Variants in HPSE2 observed in about 807,000 individuals in gnomAD.
HPSE2 encodes heparanase 2 (inactive).
Under a neutral mutation model 60.5 loss-of-function variants are expected in HPSE2, and 38 were observed. That is an observed-to-expected ratio of 0.63 (90% CI 0.48 to 0.82). HPSE2 has a LOEUF of 0.82. Among genes scored for constraint, HPSE2 ranks in the 40% least tolerant of loss-of-function variants. The probability of loss-of-function intolerance (pLI) is 0.00; values close to 1 mark genes in which losing one functional copy is unlikely to be tolerated. For missense variants in HPSE2, 713 were observed against 740.4 expected (o/e 0.96, Z 0.43); for synonymous variants, 295 against 293.2 (o/e 1.01, Z -0.06).
chr10:98,606,149 CAA>C (rs1945579880), intron 9 of HPSE2, among the ~76,000 whole-genome samples: 1 of 151,966 alleles, frequency 6.6e-6, no homozygotes. Flanking sequence ...TCAGAATCTA[CAA>C]GTGTCTGGCA....
intron 2 of HPSE2, among the ~76,000 whole-genome samples, chr10:99,207,676 T>C (rs1365542885): frequency 2.0e-5 from 3 of 151,552 alleles, no homozygotes; most frequent in Admixed American, 2.0e-4. Flanking sequence ...GTGGAGGGAG[T>C]AGAGTGAAGG....
chr10:98,708,229 G>A lies in HPSE2; in HGVS notation c.956+13428C>T, dbSNP rs192303274. On this transcript the variant is annotated intron_variant, in intron 5 of 11. Transcript: ENST00000370552. ...CCCAGTACTTTGGGAGGCTGAGGTG[G>A]GCGGATCACGAGGTCAGGAGATCAA... is the stretch of plus-strand genomic sequence containing the variant. 1.7e-3 allele frequency among the ~76,000 whole-genome samples: 260 copies of A among 152,174 alleles called. 1 individual carries two copies. The highest frequency in any genetic ancestry group is 0.012 in the Admixed American group (182 of 15,274).
chr10:98,594,866 G>A (rs1438697136), intron 9 of HPSE2, among the ~76,000 whole-genome samples: 2 of 152,002 alleles, frequency 1.3e-5, no homozygotes, highest in Non-Finnish European at 2.9e-5. Context: ...TTATTATTTT[G>A]AGGAACCTCC....
At chr10:98,534,861 G>C (rs1383554304) in intron 9 of HPSE2, among the ~76,000 whole-genome samples, 1 of 152,170 alleles carries the variant, frequency 6.6e-6, no homozygotes. Flanking sequence ...TTCAGCAAAG[G>C]CAACATCAAT....
intron 9 of HPSE2, among the ~76,000 whole-genome samples, chr10:98,575,742 A>G (rs1485888382): frequency 6.6e-6 from 1 of 152,182 alleles, no homozygotes; most frequent in Non-Finnish European, 1.5e-5. Context: ...TGTTATTATC[A>G]TGCCATGGTG....
intron 3 of HPSE2, among the ~76,000 whole-genome samples, chr10:98,926,907 T>C (rs1954483085): frequency 6.6e-6 from 1 of 152,226 alleles, no homozygotes; most frequent in African/African-American, 2.4e-5. Flanking sequence ...AGTCTCTATG[T>C]AGTTGAGCGG....
chr10:99,264,786 C>T, the HPSE2 span, among the ~76,000 whole-genome samples: 6 of 149,730 alleles, frequency 4.0e-5, no homozygotes, highest in Middle Eastern at 3.4e-3. Flanking sequence ...ATGACAAATG[C>T]TCCTTCTAAC....
rs552387037 is a variant in HPSE2 at position 98,628,203 on chromosome 10, T to C, written c.1099-7495A>G. Reference sequence around the variant, plus strand: ...AGGCTTATGAACTCTGTATCTTCCATGAGCAGAGAAGAGCATGATGGTGAC... The same window carrying C: ...AGGCTTATGAACTCTGTATCTTCCACGAGCAGAGAAGAGCATGATGGTGAC... On this transcript the variant is annotated intron_variant, in intron 7 of 11. Coordinates refer to ENST00000370552, the MANE Select transcript of HPSE2 (RefSeq NM_021828.5). Among the ~76,000 whole-genome samples the C allele has an allele frequency of 2.6e-5, 4 of 152,258 alleles. No homozygotes were observed. The East Asian group carries it at 7.7e-4, about 29-fold the overall frequency.
At chr10:98,484,025 T>G (rs187314778) in intron 10 of HPSE2, among the ~76,000 whole-genome samples, 101 of 152,354 alleles carry the variant, frequency 6.6e-4, no homozygotes, top group African/African-American at 2.4e-3. Flanking sequence ...ATGTGTTCTT[T>G]TAAAATACCT....
the HPSE2 span, among the ~76,000 whole-genome samples, chr10:99,281,454 A>T: frequency 1.3e-5 from 2 of 152,004 alleles, no homozygotes; most frequent in African/African-American, 4.8e-5. Context: ...CATTTGTAAA[A>T]ACACAAGAAA....
intron 2 of HPSE2, among the ~76,000 whole-genome samples, chr10:99,184,394 G>A (rs1014835523): frequency 6.6e-5 from 10 of 151,702 alleles, no homozygotes; most frequent in African/African-American, 1.9e-4. Context: ...GCTTGGTGGT[G>A]CATGCCTATG....
At chr10:99,200,306 AAACATTTTAT>A (rs1357629050) in intron 2 of HPSE2, among the ~76,000 whole-genome samples, 1 of 152,144 alleles carries the variant, frequency 6.6e-6, no homozygotes, top group Non-Finnish European at 1.5e-5. Context: ...ACATGACATC[AAACATTTTAT>A]AAGTAACTCT....
the HPSE2 span, among the ~76,000 whole-genome samples, chr10:99,284,759 G>A: frequency 1.3e-5 from 2 of 152,064 alleles, no homozygotes; most frequent in Non-Finnish European, 2.9e-5. Flanking sequence ...TTGTGTCATG[G>A]GAGTTTGTTA....
intron 3 of HPSE2, among the ~76,000 whole-genome samples, chr10:98,828,591 TA>T (rs1951607075): frequency 6.6e-6 from 1 of 152,118 alleles, no homozygotes; most frequent in Admixed American, 6.5e-5. Context: ...AATAAGTACA[TA>T]AAAATATGTT....
chr10:98,916,338 C>A (rs568788797), intron 3 of HPSE2, among the ~76,000 whole-genome samples: 2 of 152,220 alleles, frequency 1.3e-5, no homozygotes, highest in African/African-American at 4.8e-5. Flanking sequence ...GTTACACAGA[C>A]AATGTCTACC....
intron 9 of HPSE2, among the ~76,000 whole-genome samples, chr10:98,507,147 C>T (rs938458182): frequency 6.6e-6 from 1 of 152,000 alleles, no homozygotes; most frequent in African/African-American, 2.4e-5. Flanking sequence ...TAATGGTTAC[C>T]TTGGGTGGGA....
intron 2 of HPSE2, among the ~76,000 whole-genome samples, chr10:99,214,700 A>G (rs946047712): frequency 6.6e-6 from 1 of 152,158 alleles, no homozygotes; most frequent in African/African-American, 2.4e-5. Flanking sequence ...TCCATCTGGC[A>G]AAGGTCTAAT....
At chr10:99,207,424 C>T (rs1447524290) in intron 2 of HPSE2, among the ~76,000 whole-genome samples, 2 of 152,090 alleles carry the variant, frequency 1.3e-5, no homozygotes, top group Non-Finnish European at 2.9e-5. Flanking sequence ...GAAAAAGATG[C>T]TAACTAGCAA....
chr10:98,726,439 A>T (rs1241656799), intron 4 of HPSE2, among the ~76,000 whole-genome samples: 1 of 145,336 alleles, frequency 6.9e-6, no homozygotes, highest in Non-Finnish European at 1.5e-5. Flanking sequence ...GAACAATGAG[A>T]ACACATGGAC....
Sources: gnomAD v4.1 joint callset for allele counts (sites outside exome capture counted in the v4.1 genomes callset) on GRCh38, gnomAD v4.1.1 for gene constraint, MANE v1.5 for transcripts, NCBI Gene and HGNC (gene_info 2026-07-23, HGNC 2026-07-21) for gene names.